The following NCKAP5 variants were observed in gnomAD, a reference collection of about 807,000 sequenced individuals.
NCKAP5 encodes the protein NCK associated protein 5, also known as nck-associated protein 5.
In NCKAP5, 92 loss-of-function variants were observed where a neutral mutation model predicts 167.0. That is an observed-to-expected ratio of 0.55 (90% CI 0.47 to 0.66). NCKAP5 has a LOEUF of 0.66. Ranked by LOEUF, NCKAP5 falls within the 30% of genes least tolerant of loss-of-function variation. The probability of loss-of-function intolerance (pLI) is 0.00; values close to 1 mark genes in which losing one functional copy is unlikely to be tolerated. For synonymous variants in NCKAP5, 891 were observed against 877.4 expected (o/e 1.02, Z -0.27); for missense variants, 2,378 against 2,315.0 (o/e 1.03, Z -0.56).
At chr2:132,938,264 G>C (rs775469968) in intron 8 of NCKAP5, among the ~76,000 whole-genome samples, 1 of 152,134 alleles carries the variant, frequency 6.6e-6, no homozygotes, top group Non-Finnish European at 1.5e-5. Context: ...AGGAATCAGA[G>C]GATACAGTAG....
rs1169744398 is a variant in NCKAP5, at chr2:133,118,637, G to A, written c.341+11341C>T. 2.0e-5 allele frequency: 3 copies of A among 152,134 alleles called. No individual in the cohort carries two copies. The East Asian group carries it at 5.8e-4, about 29-fold the overall frequency. The allele number at this position is 152,134 out of a possible 1,614,324, so 9.4% of individuals were successfully genotyped here. On this transcript the variant is annotated intron_variant, in intron 6 of 19. Transcript: ENST00000409261. ...GCCAGCAAGAAAAAAATATAATTTT[G>A]TGATAAAAGTCTGTAATCAAGTGAG...
intron 7 of NCKAP5, among the ~76,000 whole-genome samples, chr2:132,973,986 T>G (rs2076906738): frequency 6.6e-6 from 1 of 152,198 alleles, no homozygotes. Context: ...ATTTTTATTA[T>G]TACTAACTCT....
intron 3 of NCKAP5, among the ~76,000 whole-genome samples, chr2:133,440,591 T>C (rs1690773079): frequency 6.7e-6 from 1 of 150,370 alleles, no homozygotes; most frequent in Non-Finnish European, 1.5e-5. Context: ...GCACCTGAAC[T>C]CCCAGCTACT....
the NCKAP5 span, among the ~76,000 whole-genome samples, chr2:133,628,586 G>A: frequency 3.3e-5 from 5 of 152,022 alleles, no homozygotes; most frequent in Admixed American, 3.3e-4. Flanking sequence ...TAAATTCAAT[G>A]GTATTTCCAT....
At chr2:133,310,740 A>G (rs1681174235) in intron 3 of NCKAP5, among the ~76,000 whole-genome samples, 1 of 152,172 alleles carries the variant, frequency 6.6e-6, no homozygotes, top group Non-Finnish European at 1.5e-5. Context: ...GAACATCTCA[A>G]GCACTCAAAG....
the NCKAP5 span, among the ~76,000 whole-genome samples, chr2:133,641,151 C>A: frequency 2.0e-5 from 3 of 152,140 alleles, no homozygotes; most frequent in Non-Finnish European, 4.4e-5. Context: ...TTCATATGGA[C>A]GTCAGAAATT....
At chr2:133,202,482 G>A (rs778795351) in intron 5 of NCKAP5, among the ~76,000 whole-genome samples, 15 of 152,108 alleles carry the variant, frequency 9.9e-5, no homozygotes, top group African/African-American at 1.4e-4. Context: ...CATGGACAAG[G>A]ACTTCAGGTC....
intron 5 of NCKAP5, among the ~76,000 whole-genome samples, chr2:133,161,866 T>A (rs1419444949): frequency 6.6e-6 from 1 of 152,218 alleles, no homozygotes; most frequent in Non-Finnish European, 1.5e-5. Flanking sequence ...CACAAAGACA[T>A]CTTCTCCTAT....
chr2:133,334,350 G>T (rs1328501103), intron 3 of NCKAP5, among the ~76,000 whole-genome samples: 2 of 152,152 alleles, frequency 1.3e-5, no homozygotes, highest in African/African-American at 4.8e-5. Context: ...GCTCACGGTG[G>T]TGGTAAAGTA....
chr2:133,333,202 G>A (rs1167719970), intron 3 of NCKAP5, among the ~76,000 whole-genome samples: 1 of 152,206 alleles, frequency 6.6e-6, no homozygotes, highest in Non-Finnish European at 1.5e-5. Flanking sequence ...GAGTTTCATA[G>A]GAGATTGGAA....
the NCKAP5 span, among the ~76,000 whole-genome samples, chr2:133,621,112 C>T: frequency 5.3e-5 from 8 of 152,022 alleles, no homozygotes. Context: ...TTCTCGGATA[C>T]AGCAAAAGCG....
chr2:132,847,171 C>T (rs1574407800), intron 11 of NCKAP5, among the ~76,000 whole-genome samples: 1 of 152,032 alleles, frequency 6.6e-6, no homozygotes, highest in East Asian at 1.9e-4. Context: ...AAGTAAACCC[C>T]AAAAGTGCAT....
At chr2:133,318,567 G>A (rs1272129396) in intron 3 of NCKAP5, among the ~76,000 whole-genome samples, 8 of 152,258 alleles carry the variant, frequency 5.3e-5, no homozygotes, top group East Asian at 1.9e-4. Flanking sequence ...TGGAGAATCC[G>A]ATTCAGGAGA....
chr2:133,381,480 C>A (rs1686517651), intron 3 of NCKAP5: 1 of 152,216 alleles, frequency 6.6e-6, no homozygotes, highest in Admixed American at 6.5e-5. Flanking sequence ...CCAAGAACTG[C>A]TCCCTCTATC....
At chr2:133,530,191 G>T (rs12612615) in intron 2 of NCKAP5, among the ~76,000 whole-genome samples, 36,690 of 151,676 alleles carry the variant, frequency 0.24, 5,686 homozygotes, top group East Asian at 0.45. Context: ...TTCCTCCCAC[G>T]GATTTGAAAT....
chr2:132,755,491 C>T (rs1056207871), intron 16 of NCKAP5, among the ~76,000 whole-genome samples: 2 of 152,088 alleles, frequency 1.3e-5, no homozygotes, highest in Non-Finnish European at 2.9e-5. Context: ...CTGCATCATT[C>T]AGAAAGATTA....
intron 3 of NCKAP5, among the ~76,000 whole-genome samples, chr2:133,406,610 GA>G (rs1386098998): frequency 1.5e-5 from 2 of 137,810 alleles, no homozygotes; most frequent in Non-Finnish European, 3.2e-5. Flanking sequence ...GGGAGGGAGG[GA>G]GGGAGGGAAA....
At chr2:133,233,400 T>A (rs969339584) in intron 4 of NCKAP5, among the ~76,000 whole-genome samples, 4 of 152,140 alleles carry the variant, frequency 2.6e-5, no homozygotes, top group Admixed American at 2.6e-4. Flanking sequence ...CTGGCCAGTA[T>A]CCCTATATTA....
At chr2:133,365,149 A>G (rs1195606138) in intron 3 of NCKAP5, among the ~76,000 whole-genome samples, 2 of 151,914 alleles carry the variant, frequency 1.3e-5, no homozygotes, top group Non-Finnish European at 2.9e-5. Flanking sequence ...AAACCTCATG[A>G]GAGTTTTGAC....
Sources: allele counts gnomAD v4.1 joint callset (sites outside exome capture counted in the v4.1 genomes callset), GRCh38; gene constraint gnomAD v4.1.1; transcripts MANE v1.5; gene names NCBI Gene and HGNC (gene_info 2026-07-23, HGNC 2026-07-21).